The following TIAM1 variants were observed in gnomAD, a reference collection of about 807,000 sequenced individuals.
The protein encoded by TIAM1 is rho guanine nucleotide exchange factor TIAM1.
TIAM1 carries 65 observed loss-of-function variants against 163.5 expected under a neutral mutation model. The ratio of observed to expected loss-of-function variants is 0.40; its 90% CI spans 0.33 to 0.49. The LOEUF (loss-of-function observed/expected upper bound fraction) is 0.49, where lower values mean the gene tolerates loss of function less well. TIAM1 is among the 20% of genes least tolerant of loss of function. The pLI, the probability that TIAM1 is intolerant of heterozygous loss-of-function variation, is 0.77. For missense variants in TIAM1, 1,789 were observed against 2,044.7 expected, an observed-to-expected ratio of 0.87 and a Z score of 2.41; for synonymous variants, 833 against 810.1, an observed-to-expected ratio of 1.03 and a Z score of -0.48.
intron 4 of TIAM1, among the ~76,000 whole-genome samples, chr21:31,256,804 T>TA (rs1254980473): frequency 6.6e-6 from 1 of 152,194 alleles, no homozygotes; most frequent in Admixed American, 6.5e-5. Flanking sequence ...AGACACTGTA[T>TA]AAGACACTGT....
At chr21:31,368,416 G>A (rs1223323629) in intron 2 of TIAM1, among the ~76,000 whole-genome samples, 1 of 152,126 alleles carries the variant, frequency 6.6e-6, no homozygotes, top group Non-Finnish European at 1.5e-5. Flanking sequence ...CATTTGAGCT[G>A]GCTGAGCCAC....
rs1016537078 is a variant in TIAM1 at position 31,461,063 on chromosome 21, T to C, written c.-369+2920A>G. On this transcript the variant is annotated intron_variant, in intron 2 of 28. Coordinates refer to the TIAM1 transcript ENST00000286827. ...TATTTTGAAAGCCCTTAGCATGAAA[T>C]AGTCAATTAAAATATGGGGAACTCC... Among the ~76,000 whole-genome samples, 8 of 152,052 alleles carry C rather than the reference T, an allele frequency of 5.3e-5. No individual in the cohort carries two copies. In the East Asian group the frequency reaches 1.2e-3, roughly 22 times the overall value.
chr21:31,357,812 C>A (rs28712601), intron 2 of TIAM1, among the ~76,000 whole-genome samples: 1 of 152,206 alleles, frequency 6.6e-6, no homozygotes, highest in Admixed American at 6.5e-5. Flanking sequence ...TTGACCTATT[C>A]TATCAGCAGC....
intron 5 of TIAM1, among the ~76,000 whole-genome samples, chr21:31,246,821 A>C (rs2071525947): frequency 6.6e-6 from 1 of 152,098 alleles, no homozygotes; most frequent in Non-Finnish European, 1.5e-5. Flanking sequence ...TGCCCTGCCC[A>C]CTTATTTCAC....
intron 6 of TIAM1, among the ~76,000 whole-genome samples, chr21:31,233,093 A>G (rs2088530556): frequency 6.6e-6 from 1 of 152,206 alleles, no homozygotes; most frequent in South Asian, 2.1e-4. Flanking sequence ...ACACTTGGTG[A>G]TTTCAGATAA....
chr21:31,545,625 C>G (rs2048462315), intron 1 of TIAM1, among the ~76,000 whole-genome samples: 1 of 152,118 alleles, frequency 6.6e-6, no homozygotes, highest in African/African-American at 2.4e-5. Context: ...GGGAGGCACT[C>G]AACCCTCCAA....
chr21:31,340,604 A>G (rs1602041106), intron 1 of TIAM1, among the ~76,000 whole-genome samples: 1 of 151,788 alleles, frequency 6.6e-6, no homozygotes, highest in South Asian at 2.1e-4. Context: ...GGCTCAAGCA[A>G]CCCTCCCGTC....
chr21:31,347,806 A>C (rs1193570837), upstream of TIAM1, among the ~76,000 whole-genome samples: 1 of 140,944 alleles, frequency 7.1e-6, no homozygotes, highest in Admixed American at 6.7e-5. Flanking sequence ...GCAAACCCTG[A>C]CAACTTTATG....
chr21:31,160,771 G>C (rs2083877176), intron 16 of TIAM1: 2 of 351,382 alleles, frequency 5.7e-6, no homozygotes, highest in South Asian at 3.0e-4. Context: ...TGCCCTCTGG[G>C]AAGCTGTCAA....
At chr21:31,460,472 C>T (rs1374724141) in intron 2 of TIAM1, among the ~76,000 whole-genome samples, 3 of 152,092 alleles carry the variant, frequency 2.0e-5, no homozygotes, top group African/African-American at 7.2e-5. Context: ...ACTAAAAATA[C>T]AAAAATTAGC....
chr21:31,219,179 A>C (rs1190504303), intron 8 of TIAM1, among the ~76,000 whole-genome samples: 2 of 151,760 alleles, frequency 1.3e-5, no homozygotes, highest in Non-Finnish European at 2.9e-5. Context: ...CTCCACAAGG[A>C]CTCCAGAAAG....
intron 1 of TIAM1, among the ~76,000 whole-genome samples, chr21:31,475,737 A>G (rs954768325): frequency 1.3e-5 from 2 of 152,224 alleles, no homozygotes; most frequent in African/African-American, 4.8e-5. Context: ...TTTTCCACCC[A>G]TGGCCCAGAG....
intron 2 of TIAM1, among the ~76,000 whole-genome samples, chr21:31,361,837 T>TAGATAGATAGA (rs985053281): frequency 6.1e-5 from 9 of 147,596 alleles, no homozygotes; most frequent in Non-Finnish European, 7.5e-5. Context: ...GGAAGAAAGA[T>TAGATAGATAGA]TAGATAGATA....
At position 31,164,067 on chromosome 21, in the gene TIAM1, CTT is replaced by C. The variant is rs139650681; in HGVS notation, c.2991+893_2991+894del. ...AAAGAGGCTACTGACCCATGGAACT[CTT>C]TATGAAGTGGAATAGAAGCATGATA... is the stretch of plus-strand genomic sequence containing the variant. On this transcript the variant is annotated intron_variant, in intron 16 of 27. Transcript: ENST00000541036. 0.016 allele frequency among the ~76,000 whole-genome samples: 2,498 copies of C among 152,232 alleles called. 183 individuals carry two copies. In the East Asian group the frequency reaches 0.24, roughly 15 times the overall value.
rs149818578 is a variant in TIAM1, at chr21:31,279,877, T to G, written c.-188-2969A>C. Among the ~76,000 whole-genome samples, 32 of 152,324 alleles carry G rather than the reference T, an allele frequency of 2.1e-4. No homozygotes were observed. In the East Asian group the frequency reaches 6.0e-3, roughly 28 times the overall value. On this transcript the variant is annotated intron_variant, in intron 2 of 27. Coordinates refer to ENST00000541036, the MANE Select transcript of TIAM1 (RefSeq NM_001353694.2). ...AAAATGATACCTAATTCATTGAAAC[T>G]GAATCATATGTTATAAATTGAATGA...
At chr21:31,227,641 A>G (rs1196429658) in intron 6 of TIAM1, among the ~76,000 whole-genome samples, 2 of 152,254 alleles carry the variant, frequency 1.3e-5, no homozygotes, top group Non-Finnish European at 2.9e-5. Flanking sequence ...GAGGACTTGT[A>G]GATTGAGAAA....
Position 31,210,671 on chromosome 21 carries a change from GAA to G in TIAM1, c.2218-458_2218-457del, listed in dbSNP as rs1569032984. ...AAAGAAAGAAAGAAAGAAAGAAAAA[GAA>G]AGAAAGAAAGAAAAAGAAAGAAAGA... On this transcript the variant is annotated intron_variant, in intron 10 of 27. Transcript: ENST00000541036. Among the ~76,000 whole-genome samples the G allele has an allele frequency of 1.5e-3, 60 of 39,416 alleles. 3 individuals carry two copies. Among genetic ancestry groups the G allele is most frequent in the African/African-American group, 6.5e-3 (52 of 7,970 alleles). 25.9% of individuals were successfully genotyped at this position (39,416 alleles called of 152,430 possible). A position where few individuals can be genotyped will look rare whatever the true frequency, so the allele number is the denominator to read the frequency against.
chr21:31,464,517 C>T (rs997605668), intron 1 of TIAM1, among the ~76,000 whole-genome samples: 12 of 152,136 alleles, frequency 7.9e-5, no homozygotes, highest in African/African-American at 2.6e-4. Flanking sequence ...AGACCAGTCT[C>T]GGCAACACGG....
At chr21:31,185,581 A>ATAATATATTATATAT (rs1162026971) in intron 14 of TIAM1, among the ~76,000 whole-genome samples, 4 of 136,396 alleles carry the variant, frequency 2.9e-5, no homozygotes, top group Non-Finnish European at 6.2e-5. Context: ...ATATATTAAT[A>ATAATATATTATATAT]TAATATATTA....
Sources: gnomAD v4.1 joint callset for allele counts (sites outside exome capture counted in the v4.1 genomes callset) on GRCh38, gnomAD v4.1.1 for gene constraint, MANE v1.5 for transcripts, NCBI Gene and HGNC (gene_info 2026-07-23, HGNC 2026-07-21) for gene names.